Variants in ITGA9 observed in about 807,000 individuals in gnomAD.
ITGA9 encodes integrin subunit alpha 9.
Under a neutral mutation model 127.8 loss-of-function variants are expected in ITGA9, and 56 were observed. The observed-to-expected ratio is 0.44, with a 90% CI of 0.35 to 0.55. ITGA9 has a LOEUF of 0.55. Among genes scored for constraint, ITGA9 ranks in the 20% least tolerant of loss-of-function variants. The probability of loss-of-function intolerance (pLI) is 0.00; values close to 1 mark genes in which losing one functional copy is unlikely to be tolerated. For synonymous variants in ITGA9, 508 were observed against 514.5 expected (o/e 0.99, Z 0.17); for missense variants, 1,196 against 1,347.1 (o/e 0.89, Z 1.76).
At chr3:37,693,368 G>A (rs1414045582) in intron 18 of ITGA9, among the ~76,000 whole-genome samples, 4 of 152,172 alleles carry the variant, frequency 2.6e-5, no homozygotes, top group African/African-American at 9.7e-5. Flanking sequence ...TTGGGGTTTG[G>A]AGGCAGTAAA....
chr3:37,550,313 G>C (rs948312069), intron 15 of ITGA9, among the ~76,000 whole-genome samples: 1 of 152,210 alleles, frequency 6.6e-6, no homozygotes, highest in African/African-American at 2.4e-5. Context: ...CCTGACTCAG[G>C]CTATGAACTA....
chr3:37,595,699 G>T (rs1403445218), intron 15 of ITGA9, among the ~76,000 whole-genome samples: 1 of 152,126 alleles, frequency 6.6e-6, no homozygotes, highest in African/African-American at 2.4e-5. Context: ...GTGGTGTTTG[G>T]GTTTGTAGGC....
At chr3:37,687,522 A>G (rs1367304826) in intron 18 of ITGA9, among the ~76,000 whole-genome samples, 2 of 152,216 alleles carry the variant, frequency 1.3e-5, no homozygotes, top group African/African-American at 4.8e-5. Flanking sequence ...GGTGCAGCAG[A>G]CACCAGGCAA....
At chr3:37,523,491 G>T in intron 11 of ITGA9, 30 bp from the exon 12 acceptor site, 1 of 1,553,044 alleles carries the variant, frequency 6.4e-7, no homozygotes, top group Non-Finnish European at 8.9e-7. Context: ...GTCTTTTCCT[G>T]TGACTCCATT....
chr3:37,624,717 C>T (rs944724666), intron 15 of ITGA9, among the ~76,000 whole-genome samples: 1 of 152,194 alleles, frequency 6.6e-6, no homozygotes, highest in African/African-American at 2.4e-5. Flanking sequence ...AGCAATTCTC[C>T]TGCCTCAGCC....
At chr3:37,478,260 G>A (rs961228496) in intron 3 of ITGA9, among the ~76,000 whole-genome samples, 1 of 152,128 alleles carries the variant, frequency 6.6e-6, no homozygotes, top group South Asian at 2.1e-4. Flanking sequence ...GGACCTGGAT[G>A]CATGACAAAG....
intron 14 of ITGA9, among the ~76,000 whole-genome samples, chr3:37,536,523 T>G (rs1004641113): frequency 8.5e-5 from 13 of 152,242 alleles, no homozygotes; most frequent in Non-Finnish European, 4.4e-5. Context: ...TTGAGAGCCA[T>G]AAGCAGCTGA....
intron 27 of ITGA9, 38 bp from the exon 28 acceptor site, chr3:37,818,853 C>T (rs899360987): frequency 6.7e-7 from 1 of 1,487,268 alleles, no homozygotes; most frequent in Non-Finnish European, 9.4e-7. Flanking sequence ...GATTCTTCAG[C>T]ACTTCTAACT....
intron 18 of ITGA9, among the ~76,000 whole-genome samples, chr3:37,704,092 C>T (rs377575818): frequency 2.0e-5 from 3 of 152,270 alleles, no homozygotes; most frequent in East Asian, 1.9e-4. Context: ...TGGCTGCTCA[C>T]GTGGCTTTGT....
At chr3:37,595,415 C>T (rs1699859976) in intron 15 of ITGA9, among the ~76,000 whole-genome samples, 3 of 152,220 alleles carry the variant, frequency 2.0e-5, no homozygotes, top group Admixed American at 1.3e-4. Flanking sequence ...CCGAAAGCTA[C>T]ACAGAGCAAA....
chr3:37,621,864 T>C (rs1430549433), intron 15 of ITGA9, among the ~76,000 whole-genome samples: 1 of 152,194 alleles, frequency 6.6e-6, no homozygotes, highest in African/African-American at 2.4e-5. Context: ...TTGAGAAATT[T>C]TCAGAAACAA....
intron 16 of ITGA9, among the ~76,000 whole-genome samples, chr3:37,634,771 C>G (rs1575175094): frequency 1.3e-5 from 2 of 152,312 alleles, no homozygotes; most frequent in East Asian, 3.9e-4. Flanking sequence ...ATATACACAA[C>G]AGTCCATCCA....
intron 23 of ITGA9, among the ~76,000 whole-genome samples, chr3:37,766,833 T>C (rs1308733979): frequency 6.6e-6 from 1 of 151,836 alleles, no homozygotes; most frequent in Non-Finnish European, 1.5e-5. Flanking sequence ...AACATATTTA[T>C]GTATCGCTTT....
At chr3:37,717,220 T>C (rs1701144671) in intron 18 of ITGA9, among the ~76,000 whole-genome samples, 1 of 152,236 alleles carries the variant, frequency 6.6e-6, no homozygotes, top group Non-Finnish European at 1.5e-5. Context: ...ATGAGCTCAC[T>C]ATCTGTTGAA....
chr3:37,657,636 C>T (rs1370125757), intron 17 of ITGA9, among the ~76,000 whole-genome samples: 1 of 141,984 alleles, frequency 7.0e-6, no homozygotes, highest in Non-Finnish European at 1.5e-5. Context: ...AAAAAAAAAA[C>T]CAGCTCCTGG....
intron 15 of ITGA9, among the ~76,000 whole-genome samples, chr3:37,574,844 A>G (rs1218154839): frequency 6.6e-6 from 1 of 152,090 alleles, no homozygotes. Context: ...GAGCAGGTCC[A>G]TATCGGGATT....
chr3:37,604,909 G>T (rs917573326), intron 15 of ITGA9, among the ~76,000 whole-genome samples: 1 of 152,168 alleles, frequency 6.6e-6, no homozygotes, highest in African/African-American at 2.4e-5. Flanking sequence ...TGTCTATCAA[G>T]TTCATTAGTT....
chr3:37,684,145 T>C, intron 18 of ITGA9, 130 bp downstream of exon 18: 1 of 889,876 alleles, frequency 1.1e-6, no homozygotes, highest in Non-Finnish European at 1.8e-6. Flanking sequence ...TTAGAATGAT[T>C]AGAACTTTTT....
intron 4 of ITGA9, among the ~76,000 whole-genome samples, chr3:37,492,245 G>A (rs1447319423): frequency 1.3e-5 from 2 of 152,218 alleles, no homozygotes; most frequent in East Asian, 1.9e-4. Flanking sequence ...TTGCCCTAGA[G>A]CATCCTGAGA....
Sources: allele counts gnomAD v4.1 joint callset (sites outside exome capture counted in the v4.1 genomes callset), GRCh38; gene constraint gnomAD v4.1.1; transcripts MANE v1.5; gene names NCBI Gene and HGNC (gene_info 2026-07-23, HGNC 2026-07-21).